VCL: variants seen among roughly 807,000 people sequenced by gnomAD.
The protein encoded by VCL is vinculin, also known as epididymis luminal protein 114.
In VCL, 47 loss-of-function variants were observed where a neutral mutation model predicts 125.7. That is an observed-to-expected ratio of 0.37 (90% confidence interval 0.30 to 0.48). VCL has a LOEUF of 0.48. Among genes scored for constraint, VCL ranks in the 20% least tolerant of loss-of-function variants. The pLI is 0.99. For missense variants in VCL, 1,069 were observed against 1,455.5 expected (o/e 0.73, Z 4.32); for synonymous variants, 458 against 514.6 (o/e 0.89, Z 1.49).
intron 2 of VCL, among the ~76,000 whole-genome samples, chr10:74,049,105 T>A (rs975735029): frequency 8.8e-5 from 13 of 147,386 alleles, no homozygotes; most frequent in African/African-American, 3.2e-4. Context: ...AGACTCCATC[T>A]CAAAAAAACA....
chr10:74,037,906 T>C (rs946471032), intron 1 of VCL, among the ~76,000 whole-genome samples: 2 of 152,256 alleles, frequency 1.3e-5, no homozygotes, highest in East Asian at 3.8e-4. Context: ...TGGTAGCCAC[T>C]AGCCGTAGGT....
chr10:74,043,925 T>C (rs1014337944), intron 2 of VCL, among the ~76,000 whole-genome samples: 9 of 151,470 alleles, frequency 5.9e-5, no homozygotes, highest in African/African-American at 2.2e-4. Flanking sequence ...CTGGCTAACA[T>C]GGTGAAACCC....
chr10:74,026,659 AT>A (rs1387121241), intron 1 of VCL, among the ~76,000 whole-genome samples: 1 of 152,176 alleles, frequency 6.6e-6, no homozygotes, highest in Non-Finnish European at 1.5e-5. Flanking sequence ...ATTCTAGGTG[AT>A]TTACATATGT....
At chr10:74,111,491 C>T (rs566445597) in intron 18 of VCL, among the ~76,000 whole-genome samples, 1 of 152,318 alleles carries the variant, frequency 6.6e-6, no homozygotes, top group African/African-American at 2.4e-5. Flanking sequence ...TGTGTGGCTG[C>T]ATTTACTTTT....
chr10:74,101,205 T>C, intron 14 of VCL, 108 bp downstream of exon 14: 2 of 1,453,104 alleles, frequency 1.4e-6, no homozygotes, highest in Non-Finnish European at 1.9e-6. Flanking sequence ...AAAAAACATA[T>C]ACAGGCCAGC....
intron 6 of VCL, among the ~76,000 whole-genome samples, chr10:74,079,260 C>A (rs1839640974): frequency 6.6e-6 from 1 of 152,094 alleles, no homozygotes; most frequent in Admixed American, 6.6e-5. Context: ...TAGATTCAGG[C>A]CAGCTGTCCC....
At chr10:74,062,385 T>TC (rs1841496264) in intron 2 of VCL, among the ~76,000 whole-genome samples, 1 of 149,564 alleles carries the variant, frequency 6.7e-6, no homozygotes, top group Non-Finnish European at 1.5e-5. Flanking sequence ...TTTTTTTTTT[T>TC]TGTAGAGATG....
chr10:74,040,675 G>A (rs1841077884), intron 1 of VCL, among the ~76,000 whole-genome samples: 1 of 152,150 alleles, frequency 6.6e-6, no homozygotes, highest in Non-Finnish European at 1.5e-5. Flanking sequence ...TGATTTAAAA[G>A]CCTTTTATTA....
chr10:74,041,486 T>G (rs1462303390), intron 1 of VCL, among the ~76,000 whole-genome samples: 2 of 152,170 alleles, frequency 1.3e-5, no homozygotes, highest in Admixed American at 1.3e-4. Context: ...TTTGGTAGTG[T>G]GACATTTAAT....
chr10:74,118,405 C>T lies in VCL; in HGVS notation c.*236C>T. On this transcript the variant is annotated 3_prime_UTR_variant, in exon 22 of 22. Transcript: ENST00000211998. ...TCTCAAACACAGTTACACTTGTGCA[C>T]CCTCTATCCCAATAGGCAGACTGGG... The T allele has an allele frequency of 3.6e-6, 2 of 556,998 alleles. No homozygotes were observed. Among genetic ancestry groups the T allele is most frequent in the Non-Finnish European group, 6.4e-6 (2 of 312,574 alleles). The allele number at this position is 556,998 out of a possible 1,614,324, so 34.5% of individuals were successfully genotyped here. A position where few individuals can be genotyped will look rare whatever the true frequency, so the allele number is the denominator to read the frequency against.
In VCL at chr10:74,008,175, C is replaced by T. The variant is rs1245971314; in HGVS notation, c.168+9800C>T. ...TATAACATATAATATTAGGAATTAT[C>T]GTACAGTGAATATTTCCCATCCCCA... On this transcript the variant is annotated intron_variant, in intron 1 of 21. Coordinates refer to ENST00000211998, the MANE Select transcript of VCL (RefSeq NM_014000.3). Among the ~76,000 whole-genome samples, 4 of 152,118 alleles carry T rather than the reference C, an allele frequency of 2.6e-5. No homozygotes were observed. The East Asian group carries it at 7.7e-4, about 29-fold the overall frequency.
intron 14 of VCL, 144 bp downstream of exon 14, chr10:74,101,241 T>G (rs1217316058): frequency 2.4e-6 from 3 of 1,229,960 alleles, no homozygotes; most frequent in Non-Finnish European, 2.3e-6. Flanking sequence ...ATTCCGGCAC[T>G]TTGGGAGGGT....
chr10:74,036,246 A>T, intron 1 of VCL, among the ~76,000 whole-genome samples: 1 of 152,048 alleles, frequency 6.6e-6, no homozygotes, highest in East Asian at 1.9e-4. Context: ...TTTGTCGCCC[A>T]GGCTGGAGTG....
intron 1 of VCL, among the ~76,000 whole-genome samples, chr10:74,023,608 A>G (rs917687461): frequency 6.6e-6 from 1 of 152,222 alleles, no homozygotes; most frequent in Non-Finnish European, 1.5e-5. Flanking sequence ...AGCCTAATTT[A>G]CTAATGAGTT....
chr10:74,090,562 G>A (rs78332898), intron 10 of VCL, among the ~76,000 whole-genome samples: 2,025 of 152,184 alleles, frequency 0.013, 51 homozygotes, highest in African/African-American at 0.046. Flanking sequence ...AATAATTTTT[G>A]TGGCTAGCTA....
intron 8 of VCL, among the ~76,000 whole-genome samples, chr10:74,084,583 T>C (rs1199160226): frequency 1.3e-5 from 2 of 149,776 alleles, no homozygotes; most frequent in Non-Finnish European, 3.0e-5. Context: ...CACCATGACC[T>C]GCCAAATTTT....
Position 74,107,736 on chromosome 10 carries a change from C to T in VCL, c.2559+382C>T, listed in dbSNP as rs144608032. Among the ~76,000 whole-genome samples the T allele has an allele frequency of 1.5e-4, 23 of 152,076 alleles. No individual in the cohort carries two copies. In the East Asian group the frequency reaches 1.7e-3, roughly 11 times the overall value. On this transcript the variant is annotated intron_variant, in intron 17 of 21. Coordinates refer to ENST00000211998, the MANE Select transcript of VCL (RefSeq NM_014000.3). Reference sequence around the variant, plus strand: ...TGTTCTTAGTTGATAATGGTAGAACCGAGGTGGTTGAAATCTTGTGTTGGT... The same window carrying T: ...TGTTCTTAGTTGATAATGGTAGAACTGAGGTGGTTGAAATCTTGTGTTGGT...
At chr10:74,025,668 G>T (rs560130726) in intron 1 of VCL, among the ~76,000 whole-genome samples, 1 of 136,074 alleles carries the variant, frequency 7.3e-6, no homozygotes, top group South Asian at 2.4e-4. Context: ...GGGAGAAAGG[G>T]AGGCAGGGAG....
intron 1 of VCL, among the ~76,000 whole-genome samples, chr10:74,020,460 A>G (rs374516117): frequency 6.6e-6 from 1 of 152,192 alleles, no homozygotes; most frequent in African/African-American, 2.4e-5. Context: ...GCGCATAAGG[A>G]AAGGGCTTGA....
Sources: gnomAD v4.1 joint callset for allele counts (sites outside exome capture counted in the v4.1 genomes callset) on GRCh38, gnomAD v4.1.1 for gene constraint, MANE v1.5 for transcripts, NCBI Gene and HGNC (gene_info 2026-07-23, HGNC 2026-07-21) for gene names.